The following SHANK2 variants were observed in gnomAD, a reference collection of about 807,000 sequenced individuals.
SHANK2 encodes SH3 and multiple ankyrin repeat domains 2.
A neutral mutation model predicts 133.7 loss-of-function variants in SHANK2; 43 were observed. That is an observed-to-expected ratio of 0.32 (90% CI 0.25 to 0.41). SHANK2 has a LOEUF of 0.41. SHANK2 is among the 10% of genes least tolerant of loss of function. The probability of loss-of-function intolerance (pLI) is 1.00; values close to 1 mark genes in which losing one functional copy is unlikely to be tolerated. For synonymous variants in SHANK2, 1,017 were observed against 952.8 expected, an observed-to-expected ratio of 1.07 and a Z score of -1.24; for missense variants, 1,994 against 2,235.8, an observed-to-expected ratio of 0.89 and a Z score of 2.18.
At chr11:70,929,854 G>T (rs1555082212) in intron 10 of SHANK2, among the ~76,000 whole-genome samples, 1 of 152,174 alleles carries the variant, frequency 6.6e-6, no homozygotes, top group African/African-American at 2.4e-5. Context: ...GTCAGATCCT[G>T]GGTGACTACA....
chr11:71,218,749 T>C (rs1225857165), intron 2 of SHANK2, among the ~76,000 whole-genome samples: 2 of 152,176 alleles, frequency 1.3e-5, no homozygotes, highest in Non-Finnish European at 2.9e-5. Context: ...CAATGACCCC[T>C]GAACCAGACA....
chr11:70,615,484 TG>T (rs2060726570), intron 17 of SHANK2, among the ~76,000 whole-genome samples: 1 of 152,136 alleles, frequency 6.6e-6, no homozygotes, highest in Non-Finnish European at 1.5e-5. Context: ...AAAAGTCATA[TG>T]GCCCCGGGGT....
At chr11:71,098,678 G>A (rs1473465599) in intron 6 of SHANK2, among the ~76,000 whole-genome samples, 1 of 152,194 alleles carries the variant, frequency 6.6e-6, no homozygotes, top group Non-Finnish European at 1.5e-5. Flanking sequence ...TGGGTTATAA[G>A]TCAACCAGAA....
At position 70,837,889 on chromosome 11, in the gene SHANK2, G is replaced by A. The variant is rs187673331; in HGVS notation, c.1175-17207C>T. Reference sequence around the variant, plus strand: ...CTCAGGAGGCTGAGACAGGAGAATCGCTTGAACCCAGGAGGCGGAAGTTCC... The same window carrying A: ...CTCAGGAGGCTGAGACAGGAGAATCACTTGAACCCAGGAGGCGGAAGTTCC... On this transcript the variant is annotated intron_variant, in intron 11 of 25. Transcript: ENST00000601538. 1.9e-4 allele frequency among the ~76,000 whole-genome samples: 28 copies of A among 145,780 alleles called. No individual in the cohort carries two copies. In the East Asian group the frequency reaches 4.8e-3, roughly 25 times the overall value.
chr11:70,766,847 CT>C (rs1947133834), intron 14 of SHANK2, among the ~76,000 whole-genome samples: 1 of 152,250 alleles, frequency 6.6e-6, no homozygotes, highest in Non-Finnish European at 1.5e-5. Context: ...GCTGGAAGAG[CT>C]CTTGGCATAC....
At chr11:70,762,952 G>C (rs1555040560) in intron 14 of SHANK2, among the ~76,000 whole-genome samples, 1 of 152,202 alleles carries the variant, frequency 6.6e-6, no homozygotes, top group African/African-American at 2.4e-5. Context: ...CGTGATGGGA[G>C]CACGCTCACC....
chr11:70,805,061 TGA>T (rs1304111843), intron 13 of SHANK2, among the ~76,000 whole-genome samples: 1 of 152,190 alleles, frequency 6.6e-6, no homozygotes, highest in African/African-American at 2.4e-5. Flanking sequence ...TATGCCTGAG[TGA>T]GTCCACAGAT....
intron 2 of SHANK2, among the ~76,000 whole-genome samples, chr11:71,198,112 TTTAA>T (rs1953944915): frequency 6.6e-6 from 1 of 152,136 alleles, no homozygotes; most frequent in Admixed American, 6.5e-5. Flanking sequence ...TTGCCTTGCT[TTTAA>T]TTAATTTTTT....
intron 17 of SHANK2, among the ~76,000 whole-genome samples, chr11:70,652,682 G>A (rs538824737): frequency 4.6e-5 from 7 of 152,200 alleles, no homozygotes; most frequent in South Asian, 2.1e-4. Flanking sequence ...ATGGTGGTGC[G>A]TGCCTGTAGT....
chr11:70,942,251 CAA>C, intron 10 of SHANK2, among the ~76,000 whole-genome samples: 1 of 152,212 alleles, frequency 6.6e-6, no homozygotes, highest in East Asian at 1.9e-4. Context: ...GTGGGAAGTT[CAA>C]GGGCATCGCC....
intron 1 of SHANK2, among the ~76,000 whole-genome samples, chr11:71,234,352 A>G (rs1012756722): frequency 6.8e-6 from 1 of 146,206 alleles, no homozygotes; most frequent in African/African-American, 2.6e-5. Context: ...ACAGAGCAAG[A>G]CTCATCTCAA....
intron 14 of SHANK2, among the ~76,000 whole-genome samples, chr11:70,749,618 A>C (rs1471369362): frequency 6.6e-6 from 1 of 152,230 alleles, no homozygotes; most frequent in Non-Finnish European, 1.5e-5. Context: ...GTTTAATGCC[A>C]CTATTGTAAC....
chr11:70,688,668 G>C (rs1469279191), intron 15 of SHANK2, among the ~76,000 whole-genome samples: 11 of 152,238 alleles, frequency 7.2e-5, no homozygotes, highest in Admixed American at 1.3e-4. Context: ...GCAGAGCTGA[G>C]AGTGGATGAT....
chr11:70,477,833 ACT>A (rs201516970), intron 25 of SHANK2, among the ~76,000 whole-genome samples: 2,484 of 151,832 alleles, frequency 0.016, 40 homozygotes, highest in Admixed American at 0.031. Context: ...CAGCAGCTTG[ACT>A]CTCTTGGTTA....
At chr11:71,086,764 G>A (rs1951425242) in intron 8 of SHANK2, among the ~76,000 whole-genome samples, 2 of 152,106 alleles carry the variant, frequency 1.3e-5, no homozygotes, top group East Asian at 1.9e-4. Flanking sequence ...TGGGAGGCAG[G>A]CGGCACTGTC....
At chr11:70,913,200 C>T (rs1208423530) in intron 10 of SHANK2, among the ~76,000 whole-genome samples, 1 of 151,782 alleles carries the variant, frequency 6.6e-6, no homozygotes, top group Non-Finnish European at 1.5e-5. Context: ...TATAATTAAT[C>T]CCAGTGAGAA....
At chr11:70,910,917 C>CGT (rs1950181919) in intron 10 of SHANK2, 5 of 452,374 alleles carry the variant, frequency 1.1e-5, no homozygotes, top group Admixed American at 2.4e-5. Context: ...TGTGTGTGCG[C>CGT]GTGCATGTGC....
At chr11:70,581,850 G>A (rs7103613) in intron 17 of SHANK2, among the ~76,000 whole-genome samples, 72,187 of 152,042 alleles carry the variant, frequency 0.47, 17,610 homozygotes, top group African/African-American at 0.58. Context: ...CTGTGTGAGC[G>A]GTATGGCCCC....
intron 2 of SHANK2, among the ~76,000 whole-genome samples, chr11:71,191,514 G>A (rs1179013635): frequency 2.6e-5 from 4 of 151,926 alleles, no homozygotes; most frequent in African/African-American, 9.7e-5. Flanking sequence ...ATCCCTCCAC[G>A]CATCCACAGG....
Sources: allele counts gnomAD v4.1 joint callset (sites outside exome capture counted in the v4.1 genomes callset), GRCh38; gene constraint gnomAD v4.1.1; transcripts MANE v1.5; gene names NCBI Gene and HGNC (gene_info 2026-07-23, HGNC 2026-07-21).